The following GNAL variants were observed in gnomAD, a reference collection of about 807,000 sequenced individuals.
GNAL encodes G protein subunit alpha L, also known as guanine nucleotide-binding protein G(olf) subunit alpha.
A neutral mutation model predicts 55.1 loss-of-function variants in GNAL; 18 were observed. The ratio of observed to expected loss-of-function variants is 0.33; its 90% CI spans 0.23 to 0.48. The LOEUF (loss-of-function observed/expected upper bound fraction) is 0.48, where lower values mean the gene tolerates loss of function less well. GNAL is among the 20% of genes least tolerant of loss of function. GNAL has a pLI of 0.99. For missense variants in GNAL, 412 were observed against 614.1 expected (o/e 0.67, Z 3.48); for synonymous variants, 253 against 237.0 (o/e 1.07, Z -0.62).
chr18:11,774,751 G>T (rs114248500), intron 4 of GNAL, among the ~76,000 whole-genome samples: 1 of 152,206 alleles, frequency 6.6e-6, no homozygotes, highest in South Asian at 2.1e-4. Flanking sequence ...CTGGGTTTAA[G>T]AATCACGGGT....
intron 1 of GNAL, among the ~76,000 whole-genome samples, chr18:11,729,898 A>T (rs1252241892): frequency 1.3e-5 from 2 of 152,262 alleles, no homozygotes; most frequent in African/African-American, 4.8e-5. Context: ...TCATAAAGCA[A>T]CACATGGAAA....
chr18:11,876,797 C>G, intron 11 of GNAL, 109 bp downstream of exon 11: 1 of 744,574 alleles, frequency 1.3e-6, no homozygotes, highest in Admixed American at 2.0e-5. Flanking sequence ...CTTAACATTA[C>G]GAGCGATGAC....
At chr18:11,703,507 T>C (rs1464037294) in intron 1 of GNAL, among the ~76,000 whole-genome samples, 1 of 152,202 alleles carries the variant, frequency 6.6e-6, no homozygotes, top group East Asian at 1.9e-4. Context: ...TATGTGACTC[T>C]TTATCTCTGA....
intron 5 of GNAL, among the ~76,000 whole-genome samples, chr18:11,845,870 A>G (rs889332045): frequency 1.3e-5 from 2 of 152,146 alleles, no homozygotes; most frequent in Non-Finnish European, 2.9e-5. Context: ...TGTCAGCTCT[A>G]TATGGTCTTC....
chr18:11,810,255 G>A (rs560488492), intron 4 of GNAL, among the ~76,000 whole-genome samples: 2 of 152,198 alleles, frequency 1.3e-5, no homozygotes, highest in South Asian at 2.1e-4. Context: ...ATAGCCAGGC[G>A]TGGTGGTGTG....
In GNAL at chr18:11,751,225, C is replaced by T. The variant is rs1053193865; in HGVS notation, c.377-1628C>T. 3.3e-5 allele frequency among the ~76,000 whole-genome samples: 5 copies of T among 152,186 alleles called. No homozygotes were observed. In the East Asian group the frequency reaches 7.8e-4, roughly 24 times the overall value. On this transcript the variant is annotated intron_variant, in intron 1 of 11. Transcript: ENST00000334049. This position sits in a 1 kb window ranked among gnomAD's most constrained non-coding sequence, Gnocchi z 4.5. ...CTTCGGCCCGGCCCCCTCTTCTGACCTCCTTCCCCCAAGTACAACACTGCA... is the reference window on the plus strand; with the variant it reads ...CTTCGGCCCGGCCCCCTCTTCTGACTTCCTTCCCCCAAGTACAACACTGCA...
chr18:11,865,893 A>G (rs2859542), intron 7 of GNAL, among the ~76,000 whole-genome samples: 1 of 148,696 alleles, frequency 6.7e-6, no homozygotes, highest in African/African-American at 2.6e-5. Context: ...CACCCTCAGC[A>G]TGTCTGACTC....
chr18:11,734,028 G>A (rs2032403821), intron 1 of GNAL, among the ~76,000 whole-genome samples: 1 of 152,116 alleles, frequency 6.6e-6, no homozygotes, highest in South Asian at 2.1e-4. Context: ...AAGATGTGGG[G>A]TGGCCTCATC....
intron 5 of GNAL, among the ~76,000 whole-genome samples, chr18:11,859,212 C>A: frequency 6.6e-6 from 1 of 152,158 alleles, no homozygotes; most frequent in Non-Finnish European, 1.5e-5. Flanking sequence ...TGGACCCTGT[C>A]AAAAGTTGCG....
At chr18:11,873,045 T>G (rs1434446948) in intron 10 of GNAL, among the ~76,000 whole-genome samples, 2 of 152,106 alleles carry the variant, frequency 1.3e-5, no homozygotes, top group African/African-American at 4.8e-5. Flanking sequence ...GCTGGGAAGG[T>G]AGACCAGGAA....
intron 1 of GNAL, among the ~76,000 whole-genome samples, chr18:11,703,620 G>A (rs1251016976): frequency 1.3e-5 from 2 of 152,162 alleles, no homozygotes; most frequent in Admixed American, 6.5e-5. Flanking sequence ...AAAGCATGCC[G>A]AGCTGTGGTT....
chr18:11,780,764 T>C (rs1217767288), intron 4 of GNAL, among the ~76,000 whole-genome samples: 1 of 152,164 alleles, frequency 6.6e-6, no homozygotes, highest in Non-Finnish European at 1.5e-5. Flanking sequence ...CGCGGTAAGG[T>C]GAATAACTCA....
At chr18:11,691,570 C>T (rs1412722520) in intron 1 of GNAL, among the ~76,000 whole-genome samples, 1 of 150,184 alleles carries the variant, frequency 6.7e-6, no homozygotes, top group African/African-American at 2.5e-5. Context: ...CCTAGGTTTT[C>T]TTCTAGGGTT....
chr18:11,754,024 ATT>A, intron 4 of GNAL, 79 bp downstream of exon 4: 1 of 1,018,054 alleles, frequency 9.8e-7, no homozygotes, highest in Non-Finnish European at 1.5e-6. Flanking sequence ...GAGAATCAAT[ATT>A]GATACTAATT....
intron 4 of GNAL, among the ~76,000 whole-genome samples, chr18:11,796,600 A>AAAAC (rs1210327904): frequency 6.3e-4 from 95 of 149,858 alleles, no homozygotes; most frequent in Admixed American, 1.4e-3. Context: ...AAAAAACAAA[A>AAAAC]CACGCAACCT....
intron 4 of GNAL, among the ~76,000 whole-genome samples, chr18:11,803,704 TG>T (rs2034580560): frequency 8.3e-6 from 1 of 121,046 alleles, no homozygotes; most frequent in African/African-American, 3.4e-5. Flanking sequence ...TGTGTAGCGG[TG>T]AAATACAGGT....
In GNAL at chr18:11,751,656, G is replaced by A. The variant is rs2032834396; in HGVS notation, c.377-1197G>A. 1.0e-6 allele frequency: 1 copy of A among 985,454 alleles called. No individual in the cohort carries two copies. Among genetic ancestry groups the A allele is most frequent in the Non-Finnish European group, 1.2e-6 (1 of 829,962 alleles). The allele number at this position is 985,454 out of a possible 1,614,324, so 61.0% of individuals were successfully genotyped here. A position where few individuals can be genotyped will look rare whatever the true frequency, so the allele number is the denominator to read the frequency against. ...GCTCGGGGTGCAAGAGAGCCAGGCG[G>A]CCGCGGCGCAGCGGAGGGGCTGCGG... On this transcript the variant is annotated intron_variant, in intron 1 of 11. Transcript: ENST00000334049. The surrounding 1 kb of genome is among the most constrained non-coding windows in gnomAD (Gnocchi z 4.5).
chr18:11,805,784 A>G lies in GNAL; in HGVS notation c.625-19134A>G, dbSNP rs577188378. Among the ~76,000 whole-genome samples the G allele has an allele frequency of 1.6e-4, 25 of 152,316 alleles. No homozygotes were observed. In the South Asian group the frequency reaches 4.8e-3, roughly 29 times the overall value. On this transcript the variant is annotated intron_variant, in intron 4 of 11. Coordinates refer to ENST00000334049, the MANE Select transcript of GNAL (RefSeq NM_182978.4). The stretch of plus-strand genomic sequence containing the variant: ...CTTTGGTTGATTCCATATCTTTGCA[A>G]TTGTGAATATCACTGTGATACACAT...
At chr18:11,750,442 C>A (rs991495598) in intron 1 of GNAL, among the ~76,000 whole-genome samples, 1 of 151,846 alleles carries the variant, frequency 6.6e-6, no homozygotes, top group Non-Finnish European at 1.5e-5. Context: ...GCAGTCAGCC[C>A]GTCAGGAACG....
Sources: allele counts gnomAD v4.1 joint callset (sites outside exome capture counted in the v4.1 genomes callset), GRCh38; gene constraint gnomAD v4.1.1; non-coding constraint Gnocchi (gnomAD v3.1); transcripts MANE v1.5; gene names NCBI Gene and HGNC (gene_info 2026-07-23, HGNC 2026-07-21).